The following MFHAS1 variants were observed in gnomAD, a reference collection of about 807,000 sequenced individuals.
MFHAS1 encodes multifunctional ROCO family signaling regulator 1.
A neutral mutation model predicts 70.4 loss-of-function variants in MFHAS1; 50 were observed. That is an observed-to-expected ratio of 0.71 (90% confidence interval 0.57 to 0.90). The LOEUF (loss-of-function observed/expected upper bound fraction) is 0.90, where lower values mean the gene tolerates loss of function less well. MFHAS1 is among the 40% of genes least tolerant of loss of function. MFHAS1 has a pLI of 0.00. For synonymous variants in MFHAS1, 952 were observed against 620.0 expected (o/e 1.54, Z -7.96); for missense variants, 1,795 against 1,347.6 (o/e 1.33, Z -5.20).
chr8:8,828,530 T>C (rs752143222), intron 1 of MFHAS1, among the ~76,000 whole-genome samples: 35 of 152,216 alleles, frequency 2.3e-4, no homozygotes, highest in Non-Finnish European at 3.8e-4. Context: ...CTAGTCCACA[T>C]TGCTCACACC....
chr8:8,833,422 A>T (rs1053591679), intron 1 of MFHAS1, among the ~76,000 whole-genome samples: 1 of 152,130 alleles, frequency 6.6e-6, no homozygotes, highest in African/African-American at 2.4e-5. Context: ...TGAGGCCAGG[A>T]GTTCAAGACC....
At chr8:8,842,541 A>T (rs763556858) in intron 1 of MFHAS1, among the ~76,000 whole-genome samples, 1 of 152,090 alleles carries the variant, frequency 6.6e-6, no homozygotes, top group African/African-American at 2.4e-5. Context: ...AACTCACAAC[A>T]TCAAAGTGAC....
At position 8,890,433 on chromosome 8, in the gene MFHAS1, CAA is replaced by C. The variant is rs1585076654; in HGVS notation, c.2624_2625del (p.Phe875CysfsTer3). On this transcript the variant is annotated frameshift_variant, in exon 1 of 3. Coordinates refer to ENST00000276282, the MANE Select transcript of MFHAS1 (RefSeq NM_004225.3). LOFTEE classifies it high-confidence loss of function. The stretch of plus-strand genomic sequence containing the variant: ...TATTCAATCTGCAACTGCTCAGCCA[CAA>C]AAGACTGCCCAGCTAGGTTGGTCCC... ...INGTNLAGQS[F>X]VAEQLQIEYS... is the part of the protein sequence containing the mutation. The C allele has an allele frequency of 6.2e-7, 1 of 1,613,972 alleles. No homozygotes were observed. The highest frequency in any genetic ancestry group is 8.5e-7 in the Non-Finnish European group (1 of 1,180,040).
rs142747070 is a variant in MFHAS1 at position 8,892,410 on chromosome 8, G to T, written c.649C>A (p.Arg217=). Residue 217 remains arginine (R), a synonymous_variant, in exon 1 of 3, where the codon CGG becomes AGG. Coordinates refer to ENST00000276282, the MANE Select transcript of MFHAS1 (RefSeq NM_004225.3). This position sits in a 1 kb window ranked among gnomAD's most constrained non-coding sequence, Gnocchi z 4.7. ...EELDVSSNRL[R]GLPEDISALR... ...GCACTGATATCCTCAGGCAGGCCCC[G>T]CAGCCGGTTGCTGGACACGTCCAGC... 1.9e-6 allele frequency: 3 copies of T among 1,612,736 alleles called. No individual in the cohort carries two copies. Among genetic ancestry groups the T allele is most frequent in the Admixed American group, 3.3e-5 (2 of 59,976 alleles).
At chr8:8,823,385 C>G (rs946347763) in intron 1 of MFHAS1, among the ~76,000 whole-genome samples, 1 of 152,100 alleles carries the variant, frequency 6.6e-6, no homozygotes, top group Non-Finnish European at 1.5e-5. Flanking sequence ...GAGCTGGACA[C>G]GGGGCCCCGC....
At position 8,783,768 on chromosome 8, in the gene MFHAS1, C is replaced by G. The variant is rs1805441562; in HGVS notation, c.*2254G>C. On this transcript the variant is annotated 3_prime_UTR_variant, in exon 3 of 3. Coordinates refer to ENST00000276282, the MANE Select transcript of MFHAS1 (RefSeq NM_004225.3). ...CGCCTCGGTGGGCTGCTGTGTCTTT[C>G]CAGGTGCTGAAAGAGAAAACGGAAT... The G allele has an allele frequency of 6.6e-6, 1 of 151,954 alleles. No homozygotes were observed. Among genetic ancestry groups the G allele is most frequent in the African/African-American group, 2.4e-5 (1 of 41,348 alleles). 9.4% of individuals were successfully genotyped at this position (151,954 alleles called of 1,614,324 possible).
chr8:8,869,555 G>C (rs1352331912), intron 1 of MFHAS1, among the ~76,000 whole-genome samples: 1 of 152,030 alleles, frequency 6.6e-6, no homozygotes, highest in African/African-American at 2.4e-5. Context: ...ACAAACCTAA[G>C]ACTATATATC....
At chr8:8,814,391 C>G (rs1427787694) in intron 1 of MFHAS1, among the ~76,000 whole-genome samples, 3 of 152,182 alleles carry the variant, frequency 2.0e-5, no homozygotes, top group Non-Finnish European at 4.4e-5. Context: ...GACCCTACAG[C>G]CTGGGTGTGT....
chr8:8,815,970 G>A (rs1041680378), intron 1 of MFHAS1, among the ~76,000 whole-genome samples: 24 of 152,174 alleles, frequency 1.6e-4, no homozygotes, highest in East Asian at 1.9e-4. Flanking sequence ...CTACTATCTA[G>A]GAAGGAAAAG....
intron 1 of MFHAS1, among the ~76,000 whole-genome samples, chr8:8,849,038 C>T (rs1808140384): frequency 1.4e-5 from 2 of 147,194 alleles, no homozygotes; most frequent in African/African-American, 5.0e-5. Flanking sequence ...CAAAGAACAG[C>T]TCTGCAGCAA....
chr8:8,891,920 G>T lies in MFHAS1; in HGVS notation c.1139C>A (p.Pro380His). The change falls in exon 1 of 3, where the codon CCC becomes CAC. Residue 380 changes from proline to histidine, a missense_variant. By Grantham distance (77) the Pro-to-His change is moderately conservative (BLOSUM62 -2). Coordinates refer to ENST00000276282, the MANE Select transcript of MFHAS1 (RefSeq NM_004225.3). This position sits in a 1 kb window ranked among gnomAD's most constrained non-coding sequence, Gnocchi z 5.4. Reference protein sequence around the residue: ...WKIKDNPLIQPPYEVCMKGIP... With the variant: ...WKIKDNPLIQHPYEVCMKGIP... Reference sequence around the variant, plus strand: ...CCCCTTCATGCAGACCTCGTAGGGGGGCTGGATCAGTGGGTTGTCTTTGAT... The same window carrying T: ...CCCCTTCATGCAGACCTCGTAGGGGTGCTGGATCAGTGGGTTGTCTTTGAT... 1 of 1,610,846 alleles carries T rather than the reference G, an allele frequency of 6.2e-7. No homozygotes were observed.
At chr8:8,853,233 A>C (rs1440746635) in intron 1 of MFHAS1, among the ~76,000 whole-genome samples, 1 of 152,072 alleles carries the variant, frequency 6.6e-6, no homozygotes, top group Non-Finnish European at 1.5e-5. Context: ...ATGGAGGCTT[A>C]AAATACCCCA....
chr8:8,832,631 T>TTC (rs1409200081), intron 1 of MFHAS1, among the ~76,000 whole-genome samples: 2 of 145,980 alleles, frequency 1.4e-5, no homozygotes, highest in Non-Finnish European at 3.0e-5. Flanking sequence ...TTTTTTCTTT[T>TTC]TTTTTTTTTT....
At chr8:8,836,184 G>C (rs556511075) in intron 1 of MFHAS1, among the ~76,000 whole-genome samples, 4 of 152,226 alleles carry the variant, frequency 2.6e-5, no homozygotes, top group African/African-American at 9.6e-5. Flanking sequence ...ATTACATAAA[G>C]GCTGTGTATG....
chr8:8,848,839 G>C (rs73525731), intron 1 of MFHAS1, among the ~76,000 whole-genome samples: 5 of 152,130 alleles, frequency 3.3e-5, no homozygotes, highest in Admixed American at 6.5e-5. Context: ...CAAACAGTGC[G>C]AAGTCGGTTT....
At chr8:8,839,561 C>T (rs868360444) in intron 1 of MFHAS1, among the ~76,000 whole-genome samples, 1 of 152,186 alleles carries the variant, frequency 6.6e-6, no homozygotes, top group Non-Finnish European at 1.5e-5. Context: ...CTTAACCCTC[C>T]ATTTCTTATG....
At position 8,891,348 on chromosome 8, in the gene MFHAS1, G is replaced by A. The variant is rs775241672; in HGVS notation, c.1711C>T (p.Arg571Cys). The change falls in exon 1 of 3, where the codon CGC (arginine) becomes TGC (cysteine). Residue 571 changes from arginine (R) to cysteine (C), a missense_variant. Transcript: ENST00000276282. This position sits in a 1 kb window ranked among gnomAD's most constrained non-coding sequence, Gnocchi z 5.4. ...QEKHDAEGLSRLAKVVDEALA... is the reference protein window; with the variant it reads ...QEKHDAEGLSCLAKVVDEALA... ...GCCTCGTCCACCACCTTGGCCAAGC[G>A]GCTCAGTCCCTCCGCGTCGTGCTTC... 2 of 1,611,160 alleles carry A rather than the reference G, an allele frequency of 1.2e-6. No homozygotes were observed. Among genetic ancestry groups the A allele is most frequent in the South Asian group, 1.1e-5 (1 of 91,080 alleles).
intron 1 of MFHAS1, among the ~76,000 whole-genome samples, chr8:8,838,034 G>T (rs1807667049): frequency 6.6e-6 from 1 of 152,110 alleles, no homozygotes; most frequent in African/African-American, 2.4e-5. Flanking sequence ...CAGCCTCTAT[G>T]TCTATCAGCT....
At chr8:8,820,420 A>G (rs929561206) in intron 1 of MFHAS1, among the ~76,000 whole-genome samples, 1 of 152,186 alleles carries the variant, frequency 6.6e-6, no homozygotes, top group African/African-American at 2.4e-5. Context: ...GCATAACTGC[A>G]ACATTCTCTT....
Sources: gnomAD v4.1 joint callset for allele counts (sites outside exome capture counted in the v4.1 genomes callset) on GRCh38, gnomAD v4.1.1 for gene constraint, Gnocchi (gnomAD v3.1) non-coding constraint, MANE v1.5 for transcripts, NCBI Gene and HGNC (gene_info 2026-07-23, HGNC 2026-07-21) for gene names.